Variants in JARID2 observed in about 807,000 individuals in gnomAD.
JARID2 encodes protein Jumonji.
A neutral mutation model predicts 125.6 loss-of-function variants in JARID2; 21 were observed. That is an observed-to-expected ratio of 0.17 (90% confidence interval 0.12 to 0.24). The LOEUF is 0.24. JARID2 is among the 10% of genes least tolerant of loss of function. The pLI is 1.00. For synonymous variants in JARID2, 736 were observed against 661.6 expected (o/e 1.11, Z -1.73); for missense variants, 1,303 against 1,639.6 (o/e 0.79, Z 3.55).
intron 9 of JARID2, among the ~76,000 whole-genome samples, chr6:15,506,507 G>A (rs1771012640): frequency 6.6e-6 from 1 of 152,180 alleles, no homozygotes; most frequent in Non-Finnish European, 1.5e-5. Flanking sequence ...CCTAAATGTG[G>A]TTCCAGCTTT....
intron 2 of JARID2, among the ~76,000 whole-genome samples, chr6:15,375,478 T>G (rs1273692060): frequency 1.3e-5 from 2 of 152,224 alleles, no homozygotes; most frequent in East Asian, 3.8e-4. Context: ...TTTTGAGTCT[T>G]AACATTTGCA....
chr6:15,354,445 G>A (rs1473677690), intron 1 of JARID2, among the ~76,000 whole-genome samples: 2 of 152,218 alleles, frequency 1.3e-5, no homozygotes, highest in Admixed American at 6.5e-5. Flanking sequence ...TTTGTTAACA[G>A]CAGCAACAGG....
chr6:15,495,386 G>A (rs542359433), intron 6 of JARID2, among the ~76,000 whole-genome samples: 4 of 152,270 alleles, frequency 2.6e-5, no homozygotes, highest in South Asian at 4.1e-4. Context: ...TAGGAAGCGC[G>A]TGTGCAGACG....
intron 3 of JARID2, among the ~76,000 whole-genome samples, chr6:15,435,235 ACT>A: frequency 6.6e-6 from 1 of 151,496 alleles, no homozygotes; most frequent in East Asian, 1.9e-4. Flanking sequence ...AGATGAAAAA[ACT>A]CTTCTTACAG....
intron 9 of JARID2, among the ~76,000 whole-genome samples, chr6:15,504,947 C>T (rs1339387908): frequency 6.6e-6 from 1 of 152,144 alleles, no homozygotes. Flanking sequence ...TGTTTGGAAT[C>T]CCTTGAAACC....
chr6:15,338,943 T>C (rs1251824502), intron 1 of JARID2, among the ~76,000 whole-genome samples: 1 of 151,994 alleles, frequency 6.6e-6, no homozygotes, highest in Admixed American at 6.6e-5. Context: ...TGGAGAGAGG[T>C]TATGTTACTT....
At chr6:15,354,807 G>T (rs1353077354) in intron 1 of JARID2, among the ~76,000 whole-genome samples, 5 of 152,208 alleles carry the variant, frequency 3.3e-5, no homozygotes, top group Non-Finnish European at 7.3e-5. Flanking sequence ...GAATTGTGTG[G>T]TTGATAAATG....
At chr6:15,489,476 C>T (rs1055814183) in intron 6 of JARID2, among the ~76,000 whole-genome samples, 14 of 152,224 alleles carry the variant, frequency 9.2e-5, no homozygotes, top group African/African-American at 3.4e-4. Context: ...TGGGATACGC[C>T]TGTCATCTCA....
chr6:15,478,123 T>C (rs936676758), intron 5 of JARID2, among the ~76,000 whole-genome samples: 3 of 152,242 alleles, frequency 2.0e-5, no homozygotes, highest in Non-Finnish European at 2.9e-5. Context: ...TCGGGATAGT[T>C]GGCCCATGCC....
chr6:15,467,572 G>A (rs897050892), intron 4 of JARID2, among the ~76,000 whole-genome samples: 56 of 151,786 alleles, frequency 3.7e-4, no homozygotes, highest in Admixed American at 4.6e-4. Context: ...GTGGGCATGG[G>A]GGCTCATGCC....
intron 1 of JARID2, among the ~76,000 whole-genome samples, chr6:15,296,424 TTA>T (rs1413482563): frequency 6.6e-6 from 1 of 152,164 alleles, no homozygotes; most frequent in Non-Finnish European, 1.5e-5. Context: ...TAGTTTGTGG[TTA>T]TGTTTTACGA....
At chr6:15,276,056 G>A (rs571093203) in intron 1 of JARID2, among the ~76,000 whole-genome samples, 172 of 152,278 alleles carry the variant, frequency 1.1e-3, no homozygotes, top group Admixed American at 2.8e-3. Context: ...AAGTTAGAAG[G>A]GAAATTGCTT....
At chr6:15,404,527 A>AGTG (rs1561840095) in intron 2 of JARID2, among the ~76,000 whole-genome samples, 3 of 11,572 alleles carry the variant, frequency 2.6e-4, no homozygotes, top group Non-Finnish European at 2.4e-4. Context: ...GTGCACACAC[A>AGTG]CACACACACA....
At chr6:15,248,797 G>A (rs1759309334) in intron 1 of JARID2, 3 of 472,190 alleles carry the variant, frequency 6.4e-6, no homozygotes, top group African/African-American at 2.1e-5. Flanking sequence ...CCTCCGTGAC[G>A]TCAAAAGTCG....
At chr6:15,425,200 G>A (rs1766672647) in intron 3 of JARID2, among the ~76,000 whole-genome samples, 1 of 152,186 alleles carries the variant, frequency 6.6e-6, no homozygotes, top group African/African-American at 2.4e-5. Context: ...AATTTTTGGA[G>A]TGGCCTGAGA....
chr6:15,392,468 G>A (rs539696059), intron 2 of JARID2, among the ~76,000 whole-genome samples: 35 of 152,164 alleles, frequency 2.3e-4, no homozygotes, highest in African/African-American at 8.4e-4. Flanking sequence ...GAGGTGGTGA[G>A]GAGGGGGTTC....
chr6:15,300,130 T>G (rs1423220328), intron 1 of JARID2, among the ~76,000 whole-genome samples: 1 of 152,216 alleles, frequency 6.6e-6, no homozygotes, highest in Non-Finnish European at 1.5e-5. Context: ...GGTGTGCTTC[T>G]TTATCTCCTG....
intron 2 of JARID2, among the ~76,000 whole-genome samples, chr6:15,378,016 C>G (rs963848835): frequency 1.3e-5 from 2 of 151,518 alleles, no homozygotes; most frequent in African/African-American, 4.9e-5. Context: ...CCCAGAGTAG[C>G]TGGGATTACA....
intron 1 of JARID2, among the ~76,000 whole-genome samples, chr6:15,293,750 G>A (rs1386919682): frequency 6.6e-6 from 1 of 152,244 alleles, no homozygotes; most frequent in Non-Finnish European, 1.5e-5. Context: ...CTGTGGGAAT[G>A]TGTCTCCCTG....
Sources: allele counts gnomAD v4.1 joint callset (sites outside exome capture counted in the v4.1 genomes callset), GRCh38; gene constraint gnomAD v4.1.1; transcripts MANE v1.5; gene names NCBI Gene and HGNC (gene_info 2026-07-23, HGNC 2026-07-21).